The following PPME1 variants were observed in gnomAD, a reference collection of about 807,000 sequenced individuals.
The protein encoded by PPME1 is protein phosphatase methylesterase 1.
In PPME1, 17 loss-of-function variants were observed where a neutral mutation model predicts 56.9. That is an observed-to-expected ratio of 0.30 (90% CI 0.20 to 0.45). The LOEUF is 0.45. PPME1 is among the 20% of genes least tolerant of loss of function. The pLI is 1.00. For synonymous variants in PPME1, 122 were observed against 156.2 expected (o/e 0.78, Z 1.63); for missense variants, 357 against 483.2 (o/e 0.74, Z 2.45).
chr11:74,220,234 G>C (rs1858761762), intron 3 of PPME1, among the ~76,000 whole-genome samples: 1 of 152,134 alleles, frequency 6.6e-6, no homozygotes, highest in Non-Finnish European at 1.5e-5. Flanking sequence ...GACTTCTTAA[G>C]AAGATAATAT....
intron 1 of PPME1, among the ~76,000 whole-genome samples, chr11:74,201,578 A>C (rs1354292775): frequency 6.6e-6 from 1 of 152,188 alleles, no homozygotes; most frequent in African/African-American, 2.4e-5. Context: ...GCAGAACTGG[A>C]TTTGAATTTT....
intron 1 of PPME1, among the ~76,000 whole-genome samples, chr11:74,185,520 C>CAT (rs1371117317): frequency 6.6e-6 from 1 of 151,946 alleles, no homozygotes; most frequent in Non-Finnish European, 1.5e-5. Flanking sequence ...TGAGGGTAAG[C>CAT]AACTGCATTA....
chr11:74,252,103 CT>C (rs60650207), intron 13 of PPME1, among the ~76,000 whole-genome samples: 15,265 of 116,930 alleles, frequency 0.13, 1,152 homozygotes, highest in African/African-American at 0.27. Flanking sequence ...TGGAGCAGGG[CT>C]TTTTTTTTTT....
intron 5 of PPME1, among the ~76,000 whole-genome samples, chr11:74,229,366 G>GGGTC (rs1859011885): frequency 1.3e-5 from 2 of 152,120 alleles, no homozygotes; most frequent in Non-Finnish European, 2.9e-5. Context: ...TAGAGCCAGT[G>GGGTC]GGTCTCCAGA....
At chr11:74,236,807 A>G (rs777741866) in intron 8 of PPME1, among the ~76,000 whole-genome samples, 15 of 152,224 alleles carry the variant, frequency 9.9e-5, no homozygotes, top group Non-Finnish European at 1.9e-4. Flanking sequence ...CAAGATTTTC[A>G]TATGATCTAA....
chr11:74,194,641 A>C (rs575072208), intron 1 of PPME1, among the ~76,000 whole-genome samples: 108 of 152,048 alleles, frequency 7.1e-4, no homozygotes, highest in Non-Finnish European at 1.1e-3. Context: ...TCACACAAAT[A>C]CTTACATATA....
chr11:74,245,960 T>C, intron 9 of PPME1, 116 bp from the exon 10 acceptor site: 1 of 1,186,940 alleles, frequency 8.4e-7, no homozygotes, highest in Non-Finnish European at 1.2e-6. Context: ...TAGGACTTAG[T>C]AGGTCCTTAA....
At chr11:74,184,473 AT>A (rs1411629856) in intron 1 of PPME1, among the ~76,000 whole-genome samples, 1 of 152,076 alleles carries the variant, frequency 6.6e-6, no homozygotes, top group Non-Finnish European at 1.5e-5. Flanking sequence ...CTATACTAAC[AT>A]TTTTTCACTG....
Position 74,222,326 on chromosome 11 carries a change from T to C in PPME1, c.303T>C (p.Ser101=). 3 of 1,611,526 alleles carry C rather than the reference T, an allele frequency of 1.9e-6. No individual in the cohort carries two copies. The highest frequency in any genetic ancestry group is 2.5e-6 in the Non-Finnish European group (3 of 1,177,772). ...TTTTCTCCTAGGCAGCGATTATTAG[T>C]AGAGTTCAGTGTAGGATTGTAGCTT... ...SWAVFTAAII[S]RVQCRIVALD... Residue 101 remains serine (S), a synonymous_variant, in exon 4 of 14, where the codon AGT becomes AGC. Coordinates refer to ENST00000328257, the MANE Select transcript of PPME1 (RefSeq NM_016147.3).
rs561893654 is a variant in PPME1, at chr11:74,230,379, G to C, written c.533G>C (p.Cys178Ser). 1 of 1,613,738 alleles carries C rather than the reference G, an allele frequency of 6.2e-7. No individual in the cohort carries two copies. The highest frequency in any genetic ancestry group is 2.2e-5 in the East Asian group (1 of 44,878). Residue 178 changes from cysteine (C) to serine (S), a missense_variant, in exon 6 of 14, where the codon TGC becomes TCC. This residue lies in a region of PPME1 where 182 missense variants were observed against 293.8 expected (regional missense o/e 0.62). Coordinates refer to ENST00000328257, the MANE Select transcript of PPME1 (RefSeq NM_016147.3). This position sits in a 1 kb window ranked among gnomAD's most constrained non-coding sequence, Gnocchi z 4.9. ...SNLVPSLLGLCMIDVVEGTAM... is the reference protein window; with the variant it reads ...SNLVPSLLGLSMIDVVEGTAM... ...CTGGTACCAAGCCTCTTGGGTCTGT[G>C]CATGATTGATGTTGTAGAAGGTGAG...
In PPME1 at chr11:74,251,032, T is replaced by C; in HGVS notation, c.1074+14T>C. 1 of 1,583,256 alleles carries C rather than the reference T, an allele frequency of 6.3e-7. No homozygotes were observed. The highest frequency in any genetic ancestry group is 1.7e-4 in the Middle Eastern group (1 of 6,036). ...GCCCCTGACAAGGTGAGTCTGGTGC[T>C]CAGTGACTGTAAAAGGACAACTGTG... is the stretch of plus-strand genomic sequence containing the variant. On this transcript the variant is annotated intron_variant, in intron 12 of 13. Coordinates refer to ENST00000328257, the MANE Select transcript of PPME1 (RefSeq NM_016147.3).
At chr11:74,210,751 C>A (rs1858451310) in intron 3 of PPME1, among the ~76,000 whole-genome samples, 1 of 152,186 alleles carries the variant, frequency 6.6e-6, no homozygotes, top group South Asian at 2.1e-4. Context: ...TGGTGCCGTA[C>A]TTCTTATACA....
intron 1 of PPME1, among the ~76,000 whole-genome samples, chr11:74,173,465 G>GA (rs373757115): frequency 3.3e-5 from 5 of 149,822 alleles, no homozygotes; most frequent in Non-Finnish European, 4.5e-5. Flanking sequence ...GATACTGAGA[G>GA]AAAAAAAAAG....
At chr11:74,187,685 T>G (rs1421670747) in intron 1 of PPME1, among the ~76,000 whole-genome samples, 1 of 152,202 alleles carries the variant, frequency 6.6e-6, no homozygotes. Context: ...AATATACAAG[T>G]CCAAGTTTAA....
chr11:74,246,869 T>C (rs780208961), intron 10 of PPME1, among the ~76,000 whole-genome samples: 14 of 152,200 alleles, frequency 9.2e-5, no homozygotes, highest in Non-Finnish European at 1.6e-4. Context: ...ATTAAAATAG[T>C]AAAACCTTGT....
Position 74,171,342 on chromosome 11 carries a change from A to G in PPME1, c.-80A>G, listed in dbSNP as rs1340752285. The G allele has an allele frequency of 7.9e-6, 12 of 1,526,978 alleles. No individual in the cohort carries two copies. Among genetic ancestry groups the G allele is most frequent in the Non-Finnish European group, 1.1e-5 (12 of 1,134,236 alleles). The allele number at this position is 1,526,978 out of a possible 1,614,324, so 94.6% of individuals were successfully genotyped here. A position where few individuals can be genotyped will look rare whatever the true frequency, so the allele number is the denominator to read the frequency against. ...GCGACAGGGCGTCGTTAGGGGAGCG[A>G]GTCGTGACCGGTTGGGCCACACTCA... On this transcript the variant is annotated 5_prime_UTR_variant, in exon 1 of 14. Coordinates refer to ENST00000328257, the MANE Select transcript of PPME1 (RefSeq NM_016147.3).
At chr11:74,229,424 C>T (rs1432761858) in intron 5 of PPME1, among the ~76,000 whole-genome samples, 1 of 152,070 alleles carries the variant, frequency 6.6e-6, no homozygotes, top group Non-Finnish European at 1.5e-5. Context: ...CAAGGAAGGC[C>T]TACATGCAAT....
intron 1 of PPME1, among the ~76,000 whole-genome samples, chr11:74,186,678 G>A (rs1029827627): frequency 1.2e-4 from 19 of 152,114 alleles, no homozygotes; most frequent in Admixed American, 3.3e-4. Flanking sequence ...AGAAGAGTAG[G>A]GATATAAGAT....
At chr11:74,242,708 G>A (rs759474997) in intron 9 of PPME1, among the ~76,000 whole-genome samples, 1 of 151,546 alleles carries the variant, frequency 6.6e-6, no homozygotes, top group Non-Finnish European at 1.5e-5. Flanking sequence ...GTGAAACCCC[G>A]TCTCTACTAA....
Sources: gnomAD v4.1 joint callset for allele counts (sites outside exome capture counted in the v4.1 genomes callset) on GRCh38, gnomAD v4.1.1 for gene constraint, gnomAD v4.1.1 regional missense constraint, Gnocchi (gnomAD v3.1) non-coding constraint, MANE v1.5 for transcripts, NCBI Gene and HGNC (gene_info 2026-07-23, HGNC 2026-07-21) for gene names.